The following ADGB variants were observed in gnomAD, a reference collection of about 807,000 sequenced individuals.
The protein encoded by ADGB is calpain-7-like protein.
ADGB carries 172 observed loss-of-function variants against 210.5 expected under a neutral mutation model. That is an observed-to-expected ratio of 0.82 (90% CI 0.72 to 0.93). The LOEUF is 0.93. Among genes scored for constraint, ADGB ranks in the 40% least tolerant of loss-of-function variants. The pLI, the probability that ADGB is intolerant of heterozygous loss-of-function variation, is 0.00. For synonymous variants in ADGB, 658 were observed against 662.7 expected (o/e 0.99, Z 0.11); for missense variants, 2,025 against 1,964.8 (o/e 1.03, Z -0.58).
Position 146,609,005 on chromosome 6 carries a change from G to C in ADGB, c.74+9891G>C, listed in dbSNP as rs181105946. ...CCAGTATTATTGTGTGGTTATCTAA[G>C]TCTCTTCATAGTTCTCTAGGAACTT... On this transcript the variant is annotated intron_variant, in intron 1 of 35. Coordinates refer to ENST00000397944, the MANE Select transcript of ADGB (RefSeq NM_024694.4). Among the ~76,000 whole-genome samples, 58 of 152,256 alleles carry C rather than the reference G, an allele frequency of 3.8e-4. 1 individual carries two copies. The highest frequency in any genetic ancestry group is 1.3e-3 in the African/African-American group (56 of 41,542).
At chr6:146,641,509 A>G (rs1412930263) in intron 2 of ADGB, among the ~76,000 whole-genome samples, 5 of 151,880 alleles carry the variant, frequency 3.3e-5, no homozygotes, top group Admixed American at 1.3e-4. Flanking sequence ...GTACTATTGT[A>G]CAAGGCTATA....
intron 29 of ADGB, among the ~76,000 whole-genome samples, chr6:146,780,349 C>T (rs1159246501): frequency 6.6e-6 from 1 of 152,056 alleles, no homozygotes; most frequent in East Asian, 1.9e-4. Flanking sequence ...TAAATCCTAT[C>T]TTAATAATTA....
At chr6:146,801,391 A>G (rs1463162102) in intron 34 of ADGB, 112 bp downstream of exon 34, 1 of 610,232 alleles carries the variant, frequency 1.6e-6, no homozygotes, top group Non-Finnish European at 2.5e-6. Context: ...GATTAAGGTG[A>G]GATGAGCTAC....
In ADGB at chr6:146,815,153, T is replaced by A; in HGVS notation, c.4940T>A (p.Leu1647Gln). Residue 1647 changes from leucine (L) to glutamine (Q), a missense_variant, in exon 36 of 36, where the codon CTG becomes CAG. Leu to Gln is a moderately radical substitution (Grantham distance 113). Transcript: ENST00000397944. ...TLAAQEAAMKLETEKMTPAPD... is the reference protein window; with the variant it reads ...TLAAQEAAMKQETEKMTPAPD... ...GCTGCTCAGGAAGCAGCCATGAAGC[T>A]GGAGACAGAAAAGATGACCCCAGCT... 1 of 1,539,174 alleles carries A rather than the reference T, an allele frequency of 6.5e-7. No homozygotes were observed. Among genetic ancestry groups the A allele is most frequent in the Non-Finnish European group, 8.7e-7 (1 of 1,144,464 alleles).
At chr6:146,799,549 AAAAAG>A (rs1778094864) in intron 33 of ADGB, among the ~76,000 whole-genome samples, 1 of 150,414 alleles carries the variant, frequency 6.6e-6, no homozygotes, top group Non-Finnish European at 1.5e-5. Flanking sequence ...AAAAAAAAAA[AAAAAG>A]GAAGGAAGGA....
At chr6:146,635,353 C>A in intron 1 of ADGB, 22 bp from the exon 2 acceptor site, 1 of 1,416,966 alleles carries the variant, frequency 7.1e-7, no homozygotes. Context: ...ACCTAACCCA[C>A]CCACTCTCTG....
intron 1 of ADGB, among the ~76,000 whole-genome samples, chr6:146,617,993 C>T (rs1780829114): frequency 6.6e-6 from 1 of 151,996 alleles, no homozygotes; most frequent in African/African-American, 2.4e-5. Context: ...GCTTGATTAA[C>T]ACATATTTTG....
At chr6:146,624,326 T>C (rs953984714) in intron 1 of ADGB, among the ~76,000 whole-genome samples, 8 of 151,892 alleles carry the variant, frequency 5.3e-5, no homozygotes, top group Non-Finnish European at 1.2e-4. Flanking sequence ...GCATATTTCA[T>C]GGAATTGATA....
intron 2 of ADGB, 43 bp downstream of exon 2, chr6:146,635,580 A>G (rs1775406613): frequency 6.9e-7 from 1 of 1,456,760 alleles, no homozygotes; most frequent in Non-Finnish European, 9.1e-7. Flanking sequence ...TTGGTTTTTA[A>G]TTTTATAATG....
At chr6:146,716,357 CG>C (rs1222963078) in intron 14 of ADGB, among the ~76,000 whole-genome samples, 1 of 126,996 alleles carries the variant, frequency 7.9e-6, no homozygotes, top group Non-Finnish European at 1.5e-5. Context: ...TTTGGGAGGC[CG>C]AGGCGGGTGG....
chr6:146,729,028 C>T (rs1411661830), intron 20 of ADGB, among the ~76,000 whole-genome samples: 1 of 152,206 alleles, frequency 6.6e-6, no homozygotes, highest in Admixed American at 6.5e-5. Flanking sequence ...AAAGTTCCCA[C>T]TCAAGGAGGG....
At chr6:146,812,715 T>C (rs1043341651) in intron 35 of ADGB, among the ~76,000 whole-genome samples, 1 of 152,214 alleles carries the variant, frequency 6.6e-6, no homozygotes, top group South Asian at 2.1e-4. Context: ...CAGACTTTAG[T>C]TTTAGGTGCT....
intron 13 of ADGB, among the ~76,000 whole-genome samples, chr6:146,712,326 A>G (rs1483659903): frequency 6.6e-6 from 1 of 150,858 alleles, no homozygotes; most frequent in African/African-American, 2.5e-5. Flanking sequence ...CTGGGGCTAC[A>G]GGCACTTGTC....
chr6:146,675,489 G>C lies in ADGB; in HGVS notation c.1088-824G>C, dbSNP rs1292372866. ...AAGCCTGTCAAAAAGAAAAAAAAAA[G>C]CTAAGGTATGAAACATGTCTATTTT... is the stretch of plus-strand genomic sequence containing the variant. On this transcript the variant is annotated intron_variant, in intron 8 of 35. Transcript: ENST00000397944. Among the ~76,000 whole-genome samples, 5 of 151,334 alleles carry C rather than the reference G, an allele frequency of 3.3e-5. No individual in the cohort carries two copies. In the East Asian group the frequency reaches 9.7e-4, roughly 29 times the overall value.
intron 2 of ADGB, among the ~76,000 whole-genome samples, chr6:146,640,547 A>G (rs1203463087): frequency 6.6e-6 from 1 of 152,102 alleles, no homozygotes; most frequent in Non-Finnish European, 1.5e-5. Context: ...GCAGCACATC[A>G]AAAAGCTAAT....
At chr6:146,672,019 A>G (rs895907813) in intron 7 of ADGB, among the ~76,000 whole-genome samples, 2 of 152,196 alleles carry the variant, frequency 1.3e-5, no homozygotes, top group African/African-American at 4.8e-5. Context: ...TTGTATCAGC[A>G]AAGCCCAGCA....
intron 1 of ADGB, among the ~76,000 whole-genome samples, chr6:146,629,588 T>C (rs1382679004): frequency 1.3e-5 from 2 of 152,346 alleles, no homozygotes; most frequent in East Asian, 3.9e-4. Flanking sequence ...AGAAATGATA[T>C]CTTCCTTTAA....
chr6:146,714,303 A>G (rs1257929757), intron 13 of ADGB, among the ~76,000 whole-genome samples: 2 of 144,866 alleles, frequency 1.4e-5, no homozygotes, highest in Non-Finnish European at 3.0e-5. Context: ...GCTGGCTCCC[A>G]ATGTGCATCT....
At chr6:146,715,565 A>T (rs1776720683) in intron 14 of ADGB, 150 bp downstream of exon 14, 1 of 476,732 alleles carries the variant, frequency 2.1e-6, no homozygotes, top group Admixed American at 4.2e-5. Flanking sequence ...CTGGGCTTTA[A>T]AAAAAGAGAT....
Sources: allele counts gnomAD v4.1 joint callset (sites outside exome capture counted in the v4.1 genomes callset), GRCh38; gene constraint gnomAD v4.1.1; transcripts MANE v1.5; gene names NCBI Gene and HGNC (gene_info 2026-07-23, HGNC 2026-07-21).